The following SLC38A4 variants were observed in gnomAD, a reference collection of about 807,000 sequenced individuals.
SLC38A4 encodes solute carrier family 38 member 4.
SLC38A4 carries 20 observed loss-of-function variants against 63.1 expected under a neutral mutation model. The ratio of observed to expected loss-of-function variants is 0.32; its 90% CI spans 0.22 to 0.46. The LOEUF (loss-of-function observed/expected upper bound fraction) is 0.46. SLC38A4 is among the 20% of genes least tolerant of loss of function. SLC38A4 has a pLI of 1.00. For synonymous variants in SLC38A4, 230 were observed against 225.5 expected (o/e 1.02, Z -0.18); for missense variants, 526 against 663.6 (o/e 0.79, Z 2.28).
chr12:46,783,138 A>C (rs189312767), intron 7 of SLC38A4, among the ~76,000 whole-genome samples: 67 of 150,476 alleles, frequency 4.5e-4, no homozygotes, highest in Middle Eastern at 6.8e-3. Flanking sequence ...TTTTAAAAAT[A>C]TTAAAATAGT....
At chr12:46,792,007 G>A (rs749690135) in intron 3 of SLC38A4, among the ~76,000 whole-genome samples, 50 of 152,104 alleles carry the variant, frequency 3.3e-4, no homozygotes, top group African/African-American at 8.7e-4. Flanking sequence ...AGGACCTTAC[G>A]TGCCCAGCAG....
Position 46,776,887 on chromosome 12 carries a change from C to T in SLC38A4, c.1174+17G>A, listed in dbSNP as rs771831340. ...ACAAGGATTTGCATATAGAGAATGA[C>T]TTTCAGAGTGACCTACCATAGAAGG... On this transcript the variant is annotated intron_variant, in intron 13 of 16. Coordinates refer to ENST00000266579, the MANE Select transcript of SLC38A4 (RefSeq NM_018018.5). 1.2e-6 allele frequency: 2 copies of T among 1,607,248 alleles called. No individual in the cohort carries two copies. The highest frequency in any genetic ancestry group is 2.7e-5 in the African/African-American group (2 of 74,746).
intron 7 of SLC38A4, among the ~76,000 whole-genome samples, chr12:46,781,427 A>G (rs762195797): frequency 5.9e-5 from 9 of 152,092 alleles, no homozygotes; most frequent in Non-Finnish European, 1.0e-4. Context: ...ATTCAATGTT[A>G]CAGCTATTAA....
At chr12:46,780,103 G>C in intron 7 of SLC38A4, 73 bp from the exon 8 acceptor site, 1 of 1,169,126 alleles carries the variant, frequency 8.6e-7, no homozygotes, top group Admixed American at 1.7e-5. Context: ...TATGACATTT[G>C]GGATATGTAA....
At chr12:46,802,734 T>C (rs1460597414) in intron 2 of SLC38A4, among the ~76,000 whole-genome samples, 2 of 152,016 alleles carry the variant, frequency 1.3e-5, no homozygotes, top group Non-Finnish European at 2.9e-5. Flanking sequence ...TGTTCATGAA[T>C]GTGATATATA....
chr12:46,778,972 C>G (rs1200051953), intron 10 of SLC38A4, among the ~76,000 whole-genome samples, 196 bp from the exon 11 acceptor site: 2 of 151,924 alleles, frequency 1.3e-5, no homozygotes, highest in Non-Finnish European at 2.9e-5. Flanking sequence ...GGCAGCCCTG[C>G]CTCTTAGAGT....
intron 1 of SLC38A4, among the ~76,000 whole-genome samples, chr12:46,814,735 A>C (rs757619817): frequency 2.0e-5 from 3 of 151,946 alleles, no homozygotes; most frequent in African/African-American, 7.2e-5. Flanking sequence ...AGAATGGATG[A>C]CTGGCTCTCT....
chr12:46,813,802 G>A (rs1427007444), intron 1 of SLC38A4, among the ~76,000 whole-genome samples: 1 of 152,002 alleles, frequency 6.6e-6, no homozygotes, highest in Non-Finnish European at 1.5e-5. Flanking sequence ...ACAAGAAGGA[G>A]ATAATAATAG....
Position 46,776,703 on chromosome 12 carries a change from A to G in SLC38A4, c.1174+201T>C, listed in dbSNP as rs113330349. 4.0e-3 allele frequency among the ~76,000 whole-genome samples: 602 copies of G among 152,158 alleles called. 5 individuals are homozygous for G. The highest frequency in any genetic ancestry group is 0.014 in the African/African-American group (574 of 41,548). On this transcript the variant is annotated intron_variant, in intron 13 of 16. Transcript: ENST00000266579. ...TTATAAAATAGGTGTTAATTCACAA[A>G]TTCTTGTAACTTGTTAGCCAGGCTG...
At chr12:46,772,601 C>T (rs998705157) in intron 14 of SLC38A4, among the ~76,000 whole-genome samples, 4 of 152,012 alleles carry the variant, frequency 2.6e-5, no homozygotes, top group African/African-American at 9.7e-5. Flanking sequence ...GAAAACACTA[C>T]CTTAATTCAT....
At chr12:46,803,300 T>C (rs1421889607) in intron 2 of SLC38A4, among the ~76,000 whole-genome samples, 1 of 152,090 alleles carries the variant, frequency 6.6e-6, no homozygotes, top group Non-Finnish European at 1.5e-5. Flanking sequence ...AACCTGGAGA[T>C]ATAAATAACT....
chr12:46,820,840 T>C lies in SLC38A4; in HGVS notation c.-305+5063A>G, dbSNP rs1365933110. 5.3e-5 allele frequency among the ~76,000 whole-genome samples: 8 copies of C among 152,172 alleles called. No individual in the cohort carries two copies. In the East Asian group the frequency reaches 1.2e-3, roughly 22 times the overall value. On this transcript the variant is annotated intron_variant, in intron 1 of 16. Coordinates refer to ENST00000266579, the MANE Select transcript of SLC38A4 (RefSeq NM_018018.5). ...TTCTCCATATGTTTGCTAACATTTGTTATCTTTTGTGTTTTTGATAATAGC... is the reference window on the plus strand; with the variant it reads ...TTCTCCATATGTTTGCTAACATTTGCTATCTTTTGTGTTTTTGATAATAGC...
upstream of SLC38A4, among the ~76,000 whole-genome samples, chr12:46,830,295 C>CTG (rs1373213169): frequency 8.3e-6 from 1 of 120,686 alleles, no homozygotes; most frequent in African/African-American, 3.9e-5. Context: ...CTCTCTCTCT[C>CTG]TCTCACACAC....
At chr12:46,780,570 A>C (rs1938618331) in intron 7 of SLC38A4, among the ~76,000 whole-genome samples, 1 of 151,654 alleles carries the variant, frequency 6.6e-6, no homozygotes, top group South Asian at 2.1e-4. Flanking sequence ...AGAATACAAG[A>C]GATGACAGCT....
At chr12:46,809,276 C>A (rs2120885121) in intron 1 of SLC38A4, among the ~76,000 whole-genome samples, 1 of 152,088 alleles carries the variant, frequency 6.6e-6, no homozygotes, top group East Asian at 1.9e-4. Flanking sequence ...TCAGGCTGGC[C>A]TTTTTACTAT....
intron 3 of SLC38A4, among the ~76,000 whole-genome samples, chr12:46,790,026 C>T (rs1938852291): frequency 1.3e-5 from 2 of 151,962 alleles, no homozygotes; most frequent in South Asian, 2.1e-4. Flanking sequence ...TGCAGTGAGC[C>T]GAGATTGCAC....
At chr12:46,801,632 A>G (rs78196330) in intron 2 of SLC38A4, among the ~76,000 whole-genome samples, 9,756 of 152,162 alleles carry the variant, frequency 0.064, 358 homozygotes, top group Middle Eastern at 0.12. Context: ...GGGTCATGCA[A>G]CTTCTAAAAG....
chr12:46,827,757 C>G (rs1363135821), upstream of SLC38A4, among the ~76,000 whole-genome samples: 1 of 151,952 alleles, frequency 6.6e-6, no homozygotes, highest in Non-Finnish European at 1.5e-5. Context: ...CCCTTGAGAA[C>G]CAGAAAAATA....
At chr12:46,776,156 A>G (rs1215436437) in intron 13 of SLC38A4, among the ~76,000 whole-genome samples, 1 of 152,054 alleles carries the variant, frequency 6.6e-6, no homozygotes, top group Non-Finnish European at 1.5e-5. Context: ...TTATACAAAA[A>G]TATATTTATA....
Sources: gnomAD v4.1 joint callset for allele counts (sites outside exome capture counted in the v4.1 genomes callset) on GRCh38, gnomAD v4.1.1 for gene constraint, MANE v1.5 for transcripts, NCBI Gene and HGNC (gene_info 2026-07-23, HGNC 2026-07-21) for gene names.